The following KANK1 variants were observed in gnomAD, a reference collection of about 807,000 sequenced individuals.
KANK1 encodes the protein KN motif and ankyrin repeat domains 1.
KANK1 carries 109 observed loss-of-function variants against 106.2 expected under a neutral mutation model. The observed-to-expected ratio is 1.03, with a 90% confidence interval of 0.88 to 1.20. The LOEUF is 1.20. KANK1 is among the 50% of genes most tolerant of loss of function. The pLI is 0.00. For synonymous variants in KANK1, 873 were observed against 652.2 expected (o/e 1.34, Z -5.16); for missense variants, 2,399 against 1,710.7 (o/e 1.40, Z -7.10).
upstream of KANK1, among the ~76,000 whole-genome samples, chr9:503,769 A>T (rs1035057996): frequency 6.6e-6 from 1 of 152,188 alleles, no homozygotes; most frequent in African/African-American, 2.4e-5. Flanking sequence ...TCAATTTGAA[A>T]AAGACTGAAG....
Position 710,880 on chromosome 9 carries a change from T to A in KANK1, c.114T>A (p.Gly38=). ...KDPYFVETPY[G]YQLDLDFLKY... is the part of the protein sequence containing the mutation. ...CTTACTTTGTGGAGACCCCCTATGG[T>A]TATCAACTAGACTTAGATTTCCTCA... Residue 38 remains glycine, a synonymous_variant, in exon 3 of 12, where the codon GGT becomes GGA. Coordinates refer to ENST00000382297, the MANE Select transcript of KANK1 (RefSeq NM_015158.5). The A allele has an allele frequency of 6.2e-7, 1 of 1,613,958 alleles. No individual in the cohort carries two copies. Among genetic ancestry groups the A allele is most frequent in the Non-Finnish European group, 8.5e-7 (1 of 1,179,928 alleles).
intron 1 of KANK1, among the ~76,000 whole-genome samples, chr9:638,061 T>G (rs563792420): frequency 1.3e-5 from 2 of 152,324 alleles, no homozygotes; most frequent in South Asian, 4.1e-4. Flanking sequence ...AGATGCACAC[T>G]GTTTAATAGC....
At chr9:555,456 A>G (rs10815227) in intron 1 of KANK1, among the ~76,000 whole-genome samples, 10,790 of 152,230 alleles carry the variant, frequency 0.071, 1,040 homozygotes, top group East Asian at 0.22. Flanking sequence ...ATACTGCTAA[A>G]TTAAATAAAT....
intron 2 of KANK1, chr9:677,495 T>C (rs914430818): frequency 6.6e-6 from 1 of 152,566 alleles, no homozygotes; most frequent in Non-Finnish European, 1.5e-5. Context: ...TTATGAATCA[T>C]AAAGACCTGT....
At chr9:744,652 T>G (rs560493037) in intron 11 of KANK1, 63 bp downstream of exon 11, 2 of 1,613,442 alleles carry the variant, frequency 1.2e-6, no homozygotes, top group Admixed American at 1.7e-5. Context: ...TGGACCCCCT[T>G]CCTCCAGGAA....
intron 1 of KANK1, among the ~76,000 whole-genome samples, chr9:573,347 G>A (rs1745221411): frequency 6.6e-6 from 1 of 152,106 alleles, no homozygotes; most frequent in African/African-American, 2.4e-5. Flanking sequence ...TTGGCTCACT[G>A]CAAGCTCCAC....
intron 2 of KANK1, among the ~76,000 whole-genome samples, chr9:694,904 G>A (rs943200881): frequency 6.6e-6 from 1 of 152,082 alleles, no homozygotes; most frequent in Non-Finnish European, 1.5e-5. Flanking sequence ...AGCTCATCTG[G>A]TCTGACACCT....
chr9:624,079 C>T (rs951506026), intron 1 of KANK1, among the ~76,000 whole-genome samples: 3 of 152,116 alleles, frequency 2.0e-5, no homozygotes, highest in African/African-American at 7.2e-5. Context: ...CCATTTGCAA[C>T]AACATGGATG....
chr9:505,220 T>C (rs1001423178), intron 1 of KANK1, among the ~76,000 whole-genome samples: 2 of 151,656 alleles, frequency 1.3e-5, no homozygotes, highest in African/African-American at 4.8e-5. Flanking sequence ...CTCCGTGGAG[T>C]TGGATGTTGC....
intron 1 of KANK1, among the ~76,000 whole-genome samples, chr9:628,385 C>T (rs1341047901): frequency 1.3e-5 from 2 of 151,300 alleles, no homozygotes; most frequent in Non-Finnish European, 1.5e-5. Context: ...TCCTGAATAA[C>T]TCCTGTAATG....
At chr9:741,403 A>G (rs993971506) in intron 9 of KANK1, among the ~76,000 whole-genome samples, 9 of 137,948 alleles carry the variant, frequency 6.5e-5, no homozygotes, top group African/African-American at 2.4e-4. Flanking sequence ...CACTGCAACC[A>G]CCCCCGGCTC....
chr9:654,199 C>T lies in KANK1; in HGVS notation c.-83-22691C>T, dbSNP rs1043628267. On this transcript the variant is annotated intron_variant, in intron 1 of 11. Transcript: ENST00000382297. ...CTGAAGAGTCTCTGATTCAGTAGCCCGTTGTGGGGCCCAAGCATTTCTAAT... is the reference window on the plus strand; with the variant it reads ...CTGAAGAGTCTCTGATTCAGTAGCCTGTTGTGGGGCCCAAGCATTTCTAAT... Among the ~76,000 whole-genome samples the T allele has an allele frequency of 1.4e-4, 22 of 152,162 alleles. 1 individual carries two copies. Among genetic ancestry groups the T allele is most frequent in the African/African-American group, 5.1e-4 (21 of 41,424 alleles).
chr9:657,885 G>A (rs1348324140), intron 1 of KANK1, among the ~76,000 whole-genome samples: 2 of 151,966 alleles, frequency 1.3e-5, no homozygotes, highest in Non-Finnish European at 2.9e-5. Flanking sequence ...TTTCTTGGTG[G>A]TGGTGGTGTG....
At chr9:742,100 C>G in intron 9 of KANK1, 105 bp from the exon 10 acceptor site, 2 of 981,932 alleles carry the variant, frequency 2.0e-6, no homozygotes, top group East Asian at 2.4e-5. Context: ...AGTTCTTTCC[C>G]TTCTGTCACC....
chr9:686,941 G>C, intron 2 of KANK1: 3 of 984,876 alleles, frequency 3.0e-6, no homozygotes, highest in Non-Finnish European at 3.6e-6. Context: ...GCTTAGGGCT[G>C]GGGGCTTTTC....
At chr9:586,080 G>C (rs1349234160) in intron 1 of KANK1, among the ~76,000 whole-genome samples, 1 of 152,194 alleles carries the variant, frequency 6.6e-6, no homozygotes, top group African/African-American at 2.4e-5. Flanking sequence ...TGATCTGTAA[G>C]GCATAAGATG....
intron 1 of KANK1, among the ~76,000 whole-genome samples, chr9:643,200 C>G (rs925665157): frequency 6.6e-6 from 1 of 150,752 alleles, no homozygotes; most frequent in Admixed American, 6.6e-5. Context: ...AAATTTCATA[C>G]AGATTTTTTG....
chr9:497,004 G>T (rs1047001551), intron 3 of KANK1, among the ~76,000 whole-genome samples: 9 of 152,100 alleles, frequency 5.9e-5, no homozygotes, highest in Non-Finnish European at 8.8e-5. Flanking sequence ...CTAGAATTAT[G>T]TCCTTCAGCC....
chr9:684,041 G>A (rs903007755), intron 2 of KANK1: 6 of 394,266 alleles, frequency 1.5e-5, no homozygotes, highest in African/African-American at 1.1e-4. Context: ...TGCCTGTGTG[G>A]TTAATCAGAA....
Sources: allele counts gnomAD v4.1 joint callset (sites outside exome capture counted in the v4.1 genomes callset), GRCh38; gene constraint gnomAD v4.1.1; transcripts MANE v1.5; gene names NCBI Gene and HGNC (gene_info 2026-07-23, HGNC 2026-07-21).